Variants in SNTG2 observed in about 807,000 individuals in gnomAD.
SNTG2 encodes gamma-2-syntrophin.
In SNTG2, 74 loss-of-function variants were observed where a neutral mutation model predicts 70.9. The observed-to-expected ratio is 1.04, with a 90% CI of 0.86 to 1.27. SNTG2 has a LOEUF of 1.27. SNTG2 is among the 50% of genes most tolerant of loss of function. The pLI is 0.00. For missense variants in SNTG2, 717 were observed against 690.7 expected (o/e 1.04, Z -0.43); for synonymous variants, 278 against 273.8 (o/e 1.02, Z -0.15).
At chr2:1,060,551 C>T (rs6719262) in intron 1 of SNTG2, among the ~76,000 whole-genome samples, 25,354 of 152,122 alleles carry the variant, frequency 0.17, 2,216 homozygotes, top group South Asian at 0.2. Context: ...CAGTCTGGCT[C>T]CAGCATTGTG....
At chr2:1,067,626 C>T (rs528426156) in intron 1 of SNTG2, among the ~76,000 whole-genome samples, 1 of 152,148 alleles carries the variant, frequency 6.6e-6, no homozygotes, top group East Asian at 1.9e-4. Flanking sequence ...GCAAGGGGAC[C>T]CATGACATAG....
At chr2:1,005,938 A>G (rs1262292563) in intron 1 of SNTG2, among the ~76,000 whole-genome samples, 3 of 148,094 alleles carry the variant, frequency 2.0e-5, no homozygotes, top group African/African-American at 7.5e-5. Context: ...GAAAAATTTT[A>G]CATGCCAACT....
intron 14 of SNTG2, among the ~76,000 whole-genome samples, chr2:1,299,655 A>G (rs1048006308): frequency 6.6e-6 from 1 of 152,216 alleles, no homozygotes; most frequent in Admixed American, 6.5e-5. Flanking sequence ...GAGGGACACA[A>G]GTCATCCCTG....
At chr2:1,183,183 C>CT (rs901096313) in intron 8 of SNTG2, among the ~76,000 whole-genome samples, 17 of 152,168 alleles carry the variant, frequency 1.1e-4, no homozygotes, top group African/African-American at 2.7e-4. Context: ...CAGCAGTAGA[C>CT]TTTTTTATTT....
chr2:961,392 A>G (rs938027874), intron 1 of SNTG2, among the ~76,000 whole-genome samples: 1 of 152,010 alleles, frequency 6.6e-6, no homozygotes, highest in African/African-American at 2.4e-5. Context: ...GGATTACAGG[A>G]GTGAGCCACT....
At chr2:1,082,751 G>A (rs1286855787) in intron 1 of SNTG2, among the ~76,000 whole-genome samples, 5 of 152,372 alleles carry the variant, frequency 3.3e-5, no homozygotes, top group African/African-American at 4.8e-5. Flanking sequence ...GTGCCTGACC[G>A]GCGGCCTGCT....
intron 7 of SNTG2, among the ~76,000 whole-genome samples, chr2:1,172,312 G>T (rs1012789994): frequency 6.6e-6 from 1 of 152,176 alleles, no homozygotes; most frequent in African/African-American, 2.4e-5. Context: ...CTGGGAATCT[G>T]GCATAGTCAG....
In SNTG2 at chr2:1,367,460, A is replaced by C; in HGVS notation, c.1606A>C (p.Met536Leu). Reference protein sequence around the residue: ...MDSQSLARKYMYSS With the variant: ...MDSQSLARKYLYSS ...CAGTCAGAGTCTTGCCAGAAAATAC[A>C]TGTACAGCAGCTAAAGGTTGTTTCT... The change falls in exon 17 of 17, where the codon ATG (methionine) becomes CTG (leucine). Residue 536 changes from methionine (M) to leucine (L), a missense_variant. By Grantham distance (15) the Met-to-Leu change is conservative. Coordinates refer to ENST00000308624, the MANE Select transcript of SNTG2 (RefSeq NM_018968.4). 1 of 1,551,106 alleles carries C rather than the reference A, an allele frequency of 6.4e-7. No homozygotes were observed. The highest frequency in any genetic ancestry group is 2.4e-5 in the East Asian group (1 of 40,914).
At chr2:966,669 G>A (rs1442581904) in intron 1 of SNTG2, among the ~76,000 whole-genome samples, 3 of 152,172 alleles carry the variant, frequency 2.0e-5, no homozygotes, top group East Asian at 3.9e-4. Flanking sequence ...TAGTTTGGCC[G>A]GGCGCGGTGG....
intron 14 of SNTG2, among the ~76,000 whole-genome samples, chr2:1,290,308 T>G (rs1679937261): frequency 7.4e-6 from 1 of 135,524 alleles, no homozygotes; most frequent in African/African-American, 2.6e-5. Flanking sequence ...GAAGGGGAAG[T>G]TCTACATCCT....
chr2:1,133,853 T>G (rs1335088748), intron 4 of SNTG2, among the ~76,000 whole-genome samples: 1 of 152,190 alleles, frequency 6.6e-6, no homozygotes, highest in Non-Finnish European at 1.5e-5. Flanking sequence ...GAAGATTGGT[T>G]TTGTGTCCGG....
intron 8 of SNTG2, among the ~76,000 whole-genome samples, chr2:1,208,297 G>A (rs1673790824): frequency 1.3e-5 from 1 of 75,592 alleles, no homozygotes; most frequent in South Asian, 4.2e-4. Flanking sequence ...GTGAGTGTGA[G>A]GCACATCTGT....
chr2:1,194,517 C>T (rs998346611), intron 8 of SNTG2, among the ~76,000 whole-genome samples: 1 of 151,352 alleles, frequency 6.6e-6, no homozygotes, highest in Non-Finnish European at 1.5e-5. Context: ...TTGGTTGATT[C>T]TTCCTGGCCA....
intron 8 of SNTG2, among the ~76,000 whole-genome samples, chr2:1,181,068 G>A (rs1012036175): frequency 5.3e-4 from 80 of 152,240 alleles, no homozygotes; most frequent in African/African-American, 1.9e-3. Context: ...GGACTGTAGT[G>A]GGGTGGGGGA....
intron 2 of SNTG2, among the ~76,000 whole-genome samples, chr2:1,096,548 G>T (rs1477074995): frequency 6.6e-6 from 1 of 152,024 alleles, no homozygotes; most frequent in Non-Finnish European, 1.5e-5. Flanking sequence ...AACATCCTTA[G>T]ATTCCACATG....
chr2:1,169,051 G>A (rs531345896), intron 7 of SNTG2, among the ~76,000 whole-genome samples: 2 of 152,124 alleles, frequency 1.3e-5, no homozygotes, highest in African/African-American at 4.8e-5. Context: ...GGTGTCAGAC[G>A]CACATCAGGA....
chr2:1,137,358 G>A (rs368720415), intron 4 of SNTG2, among the ~76,000 whole-genome samples: 1 of 145,392 alleles, frequency 6.9e-6, no homozygotes, highest in Non-Finnish European at 1.5e-5. Flanking sequence ...TGTACACACA[G>A]GCATGCACAT....
chr2:1,061,143 G>A (rs913224874), intron 1 of SNTG2, among the ~76,000 whole-genome samples: 2 of 152,202 alleles, frequency 1.3e-5, no homozygotes, highest in African/African-American at 4.8e-5. Context: ...AAAGGTAAGA[G>A]ACATGACAGC....
intron 6 of SNTG2, among the ~76,000 whole-genome samples, chr2:1,152,170 A>G (rs1273920187): frequency 6.6e-6 from 1 of 152,184 alleles, no homozygotes; most frequent in Admixed American, 6.5e-5. Flanking sequence ...CAATCAGTCA[A>G]TCATGGTGTC....
Sources: allele counts gnomAD v4.1 joint callset (sites outside exome capture counted in the v4.1 genomes callset), GRCh38; gene constraint gnomAD v4.1.1; transcripts MANE v1.5; gene names NCBI Gene and HGNC (gene_info 2026-07-23, HGNC 2026-07-21).